The following TBK1 variants were observed in gnomAD, a reference collection of about 807,000 sequenced individuals.
The protein encoded by TBK1 is TANK binding kinase 1.
A neutral mutation model predicts 99.9 loss-of-function variants in TBK1; 37 were observed. The ratio of observed to expected loss-of-function variants is 0.37; its 90% CI spans 0.28 to 0.49. The LOEUF (loss-of-function observed/expected upper bound fraction) is 0.49, where lower values mean the gene tolerates loss of function less well. TBK1 is among the 20% of genes least tolerant of loss of function. The pLI is 0.98. For synonymous variants in TBK1, 258 were observed against 279.8 expected, an observed-to-expected ratio of 0.92 and a Z score of 0.78; for missense variants, 644 against 872.5, an observed-to-expected ratio of 0.74 and a Z score of 3.30.
intron 11 of TBK1, 42 bp downstream of exon 11, chr12:64,486,059 A>G: frequency 7.3e-7 from 1 of 1,368,944 alleles, no homozygotes; most frequent in African/African-American, 1.5e-5. Flanking sequence ...TTTCATGTAG[A>G]CCTTGCCCCA....
At chr12:64,480,993 A>G (rs1037189304) in intron 7 of TBK1, among the ~76,000 whole-genome samples, 2 of 152,206 alleles carry the variant, frequency 1.3e-5, no homozygotes, top group Non-Finnish European at 2.9e-5. Context: ...AAGAGTTCCA[A>G]TGCTGAAATC....
intron 9 of TBK1, 129 bp downstream of exon 9, chr12:64,484,628 T>G: frequency 3.6e-6 from 3 of 829,098 alleles, no homozygotes; most frequent in Non-Finnish European, 5.3e-6. Flanking sequence ...GGCTTGCACC[T>G]GTAGTCCCAG....
Position 64,479,987 on chromosome 12 carries a change from T to C in TBK1, c.702-25T>C, listed in dbSNP as rs775415995. On this transcript the variant is annotated intron_variant, in intron 6 of 20. Coordinates refer to ENST00000331710, the MANE Select transcript of TBK1 (RefSeq NM_013254.4). Reference sequence around the variant, plus strand: ...GTCATGCAAAAATGAACTGCTTATTTTATTCTGCTTTTGTTCCTCCCAAGG... The same window carrying C: ...GTCATGCAAAAATGAACTGCTTATTCTATTCTGCTTTTGTTCCTCCCAAGG... 18 of 1,558,084 alleles carry C rather than the reference T, an allele frequency of 1.2e-5. No individual in the cohort carries two copies. The East Asian group carries it at 1.6e-4, about 14-fold the overall frequency.
intron 2 of TBK1, among the ~76,000 whole-genome samples, chr12:64,456,796 A>C (rs944102294): frequency 3.3e-5 from 5 of 151,428 alleles, no homozygotes; most frequent in Non-Finnish European, 7.4e-5. Flanking sequence ...GAGCCAAGAT[A>C]GCACCACTGC....
chr12:64,452,539 T>A (rs990186535), intron 1 of TBK1: 8 of 152,228 alleles, frequency 5.3e-5, no homozygotes, highest in African/African-American at 1.4e-4. Context: ...TTACCGGGCC[T>A]GGGCCCTGGC....
intron 5 of TBK1, among the ~76,000 whole-genome samples, chr12:64,468,996 C>T (rs2040634444): frequency 6.6e-6 from 1 of 152,010 alleles, no homozygotes; most frequent in Non-Finnish European, 1.5e-5. Flanking sequence ...AGTCTGAACC[C>T]TACTGCATCA....
intron 13 of TBK1, 60 bp downstream of exon 13, chr12:64,490,179 AT>A: frequency 7.8e-7 from 1 of 1,274,086 alleles, no homozygotes. Context: ...TGCTGGCACT[AT>A]TAGATTTAAA....
rs962928306 is a variant in TBK1, at chr12:64,452,135, C to T, written c.-84C>T. The T allele has an allele frequency of 1.3e-5, 2 of 152,234 alleles. No homozygotes were observed. The highest frequency in any genetic ancestry group is 6.5e-5 in the Admixed American group (1 of 15,270). 9.4% of individuals were successfully genotyped at this position (152,234 alleles called of 1,614,324 possible). On this transcript the variant is annotated 5_prime_UTR_variant, in exon 1 of 21. Transcript: ENST00000331710. ...TTGCGAAGCCGGAAGTGTCCTGAGT[C>T]TCGAGGAGGCCGCGGGAGCCCGCCG...
At chr12:64,453,490 G>C (rs2040451405) in intron 1 of TBK1, among the ~76,000 whole-genome samples, 1 of 152,058 alleles carries the variant, frequency 6.6e-6, no homozygotes, top group South Asian at 2.1e-4. Context: ...ATTTCCTATA[G>C]TCGTATATAA....
rs1565825100 is a variant in TBK1, at chr12:64,497,970, T to A, written c.2069T>A (p.Met690Lys). Residue 690 changes from methionine to lysine, a missense_variant and splice_region_variant, in exon 20 of 21, where the codon ATG becomes AAG. Transcript: ENST00000331710. ...AAGGTGCTTGTTTATTTTATTAGTA[T>A]GAAGAAATTAAAGGAAGAGATGGAA... Reference protein sequence around the residue: ...SNTLVEMTLGMKKLKEEMEGV... With the variant: ...SNTLVEMTLGKKKLKEEMEGV... 1 of 1,606,658 alleles carries A rather than the reference T, an allele frequency of 6.2e-7. No individual in the cohort carries two copies. The highest frequency in any genetic ancestry group is 1.1e-5 in the South Asian group (1 of 88,892).
chr12:64,467,154 C>T, intron 5 of TBK1, 72 bp downstream of exon 5: 2 of 1,173,702 alleles, frequency 1.7e-6, no homozygotes. Context: ...GGTAATTGGT[C>T]AGCCAATTCA....
chr12:64,455,132 C>T (rs147666048), intron 1 of TBK1, among the ~76,000 whole-genome samples: 98 of 151,868 alleles, frequency 6.5e-4, no homozygotes, highest in African/African-American at 2.3e-3. Context: ...GATACAGGCA[C>T]CTGCCACCAT....
At chr12:64,454,672 CTTTT>C (rs11358053) in intron 1 of TBK1, among the ~76,000 whole-genome samples, 1 of 83,630 alleles carries the variant, frequency 1.2e-5, no homozygotes, top group African/African-American at 4.9e-5. Flanking sequence ...AAACTCAGAT[CTTTT>C]TTTTTTTTTT....
chr12:64,486,425 T>C (rs1178369275), intron 11 of TBK1, among the ~76,000 whole-genome samples: 5 of 152,080 alleles, frequency 3.3e-5, no homozygotes, highest in African/African-American at 1.2e-4. Flanking sequence ...AGTCCTTTTT[T>C]ATCACACCGT....
At chr12:64,462,904 C>T (rs1353702034) in intron 3 of TBK1, among the ~76,000 whole-genome samples, 2 of 152,168 alleles carry the variant, frequency 1.3e-5, no homozygotes, top group Admixed American at 1.3e-4. Context: ...AAATCAGCAT[C>T]TCAGATGCAA....
intron 6 of TBK1, among the ~76,000 whole-genome samples, chr12:64,475,588 C>G (rs181479849): frequency 6.6e-6 from 1 of 152,308 alleles, no homozygotes; most frequent in African/African-American, 2.4e-5. Context: ...AGATTTAGCT[C>G]TCATTTATAA....
chr12:64,469,367 C>A (rs1382800439), intron 5 of TBK1, among the ~76,000 whole-genome samples: 1 of 151,976 alleles, frequency 6.6e-6, no homozygotes, highest in Non-Finnish European at 1.5e-5. Context: ...AGAAATCACC[C>A]CCTTCCTGCT....
At position 64,495,936 on chromosome 12, in the gene TBK1, A is replaced by C. The variant is rs544117930; in HGVS notation, c.1720+161A>C. 780 of 585,920 alleles carry C rather than the reference A, an allele frequency of 1.3e-3. 25 individuals carry two copies. The South Asian group carries it at 0.02, about 15-fold the overall frequency. The allele number at this position is 585,920 out of a possible 1,614,324, so 36.3% of individuals were successfully genotyped here. On this transcript the variant is annotated intron_variant, in intron 15 of 20. Coordinates refer to ENST00000331710, the MANE Select transcript of TBK1 (RefSeq NM_013254.4). ...AAAGGTTGATTGTGTTAAAAAAAAA[A>C]AAAAAAACTATCCTTAAAATCAACC...
At chr12:64,475,635 A>G (rs1027409750) in intron 6 of TBK1, among the ~76,000 whole-genome samples, 3 of 152,218 alleles carry the variant, frequency 2.0e-5, no homozygotes, top group African/African-American at 7.2e-5. Context: ...TTGTTTCTGC[A>G]TTAGTTCACT....
Sources: allele counts gnomAD v4.1 joint callset (sites outside exome capture counted in the v4.1 genomes callset), GRCh38; gene constraint gnomAD v4.1.1; transcripts MANE v1.5; gene names NCBI Gene and HGNC (gene_info 2026-07-23, HGNC 2026-07-21).